The following HNF4G variants were observed in gnomAD, a reference collection of about 807,000 sequenced individuals.
The protein encoded by HNF4G is hepatocyte nuclear factor 4-gamma.
In HNF4G, 21 loss-of-function variants were observed where a neutral mutation model predicts 50.9. The observed-to-expected ratio is 0.41, with a 90% CI of 0.29 to 0.59. The LOEUF (loss-of-function observed/expected upper bound fraction) is 0.59. HNF4G is among the 20% of genes least tolerant of loss of function. The pLI, the probability that HNF4G is intolerant of heterozygous loss-of-function variation, is 0.26. For synonymous variants in HNF4G, 198 were observed against 185.6 expected (o/e 1.07, Z -0.54); for missense variants, 527 against 559.4 (o/e 0.94, Z 0.58).
At chr8:75,445,183 G>T (rs1811395078) in intron 1 of HNF4G, among the ~76,000 whole-genome samples, 1 of 114,372 alleles carries the variant, frequency 8.7e-6, no homozygotes, top group Admixed American at 9.4e-5. Flanking sequence ...ATGACTACTG[G>T]GTACATAACG....
intron 1 of HNF4G, among the ~76,000 whole-genome samples, chr8:75,443,059 G>T (rs1245917326): frequency 1.3e-5 from 2 of 152,124 alleles, no homozygotes; most frequent in Non-Finnish European, 2.9e-5. Context: ...AAGTCCTGAG[G>T]GCTCTGCCTT....
chr8:75,504,230 G>GAC (rs201513424), intron 2 of HNF4G, among the ~76,000 whole-genome samples: 22,097 of 107,974 alleles, frequency 0.2, 1,721 homozygotes, highest in Middle Eastern at 0.29. Flanking sequence ...AAAGCACACA[G>GAC]ACACACACAC....
chr8:75,475,856 G>T (rs1253356521), intron 1 of HNF4G, among the ~76,000 whole-genome samples: 1 of 151,968 alleles, frequency 6.6e-6, no homozygotes. Flanking sequence ...GTATATAACT[G>T]GCAATTTGTA....
At chr8:75,539,241 T>C (rs1236219940), upstream of HNF4G, among the ~76,000 whole-genome samples, 1 of 152,154 alleles carries the variant, frequency 6.6e-6, no homozygotes, top group East Asian at 1.9e-4. Context: ...ATGCCTCCCA[T>C]GTACTAGCAG....
chr8:75,448,660 G>A (rs1811493703), intron 1 of HNF4G, among the ~76,000 whole-genome samples: 1 of 151,718 alleles, frequency 6.6e-6, no homozygotes. Context: ...TATTCATTGG[G>A]AATGAAAAAT....
At position 75,409,480 on chromosome 8, in the gene HNF4G, C is replaced by CTTTTTTT. The variant is rs5892492; in HGVS notation, c.-144+1336_-144+1342dup. On this transcript the variant is annotated intron_variant, in intron 1 of 10. Transcript: ENST00000354370. ...AGTATTTGTTTTTGAGTGCCTTGTTCTTTTTTTTTTTTTTTTTTTTTTTTC... is the reference window on the plus strand; with the variant it reads ...AGTATTTGTTTTTGAGTGCCTTGTTCTTTTTTTTTTTTTTTTTTTTTTTTTTTTTTTC... Among the ~76,000 whole-genome samples, 321 of 67,194 alleles carry CTTTTTTT rather than the reference C, an allele frequency of 4.8e-3. 5 individuals carry two copies. Among genetic ancestry groups the CTTTTTTT allele is most frequent in the Middle Eastern group, 0.014 (1 of 70 alleles). The allele number at this position is 67,194 out of a possible 152,430, so 44.1% of individuals were successfully genotyped here.
chr8:75,416,922 A>T (rs1810650062), intron 1 of HNF4G, among the ~76,000 whole-genome samples: 1 of 152,230 alleles, frequency 6.6e-6, no homozygotes, highest in African/African-American at 2.4e-5. Context: ...TACCCAGTTT[A>T]CTGTACATTG....
At chr8:75,558,391 A>C (rs1807193134) in intron 6 of HNF4G, 127 bp from the exon 7 acceptor site, 3 of 755,076 alleles carry the variant, frequency 4.0e-6, no homozygotes, top group Non-Finnish European at 6.2e-6. Context: ...TGAGAGAGGA[A>C]GTACATCACT....
chr8:75,523,005 T>A (rs1394226942), intron 2 of HNF4G, among the ~76,000 whole-genome samples: 1 of 152,002 alleles, frequency 6.6e-6, no homozygotes, highest in Non-Finnish European at 1.5e-5. Context: ...GCAGGGTGGA[T>A]CACGAGGTCA....
chr8:75,480,723 T>C (rs35352071), intron 1 of HNF4G, among the ~76,000 whole-genome samples: 30,372 of 121,448 alleles, frequency 0.25, 3,611 homozygotes, highest in African/African-American at 0.43. Context: ...TTTTCTTTCT[T>C]TTTTTTTTTT....
intron 2 of HNF4G, among the ~76,000 whole-genome samples, chr8:75,511,792 G>A (rs182389275): frequency 2.6e-4 from 40 of 152,056 alleles, no homozygotes; most frequent in African/African-American, 8.9e-4. Context: ...GGGTTTCACC[G>A]TGGTCTCGAT....
chr8:75,554,952 T>C (rs1378676086), intron 5 of HNF4G, among the ~76,000 whole-genome samples: 1 of 152,144 alleles, frequency 6.6e-6, no homozygotes, highest in Non-Finnish European at 1.5e-5. Context: ...AGGAACAGCA[T>C]GTCCAAGGTT....
At chr8:75,503,246 C>A (rs796507537) in intron 2 of HNF4G, among the ~76,000 whole-genome samples, 6 of 152,210 alleles carry the variant, frequency 3.9e-5, no homozygotes, top group African/African-American at 1.4e-4. Flanking sequence ...AAGCCTTGGG[C>A]AATTACTAAA....
At chr8:75,544,899 C>T (rs747926587) in intron 2 of HNF4G, among the ~76,000 whole-genome samples, 7 of 152,024 alleles carry the variant, frequency 4.6e-5, no homozygotes, top group Non-Finnish European at 1.0e-4. Context: ...TTCTCAAAGT[C>T]TTGCCATGTG....
At chr8:75,477,557 A>G (rs1812267815) in intron 1 of HNF4G, among the ~76,000 whole-genome samples, 1 of 152,182 alleles carries the variant, frequency 6.6e-6, no homozygotes, top group African/African-American at 2.4e-5. Flanking sequence ...TATTTAAAAT[A>G]GGACCCCTAC....
intron 1 of HNF4G, among the ~76,000 whole-genome samples, chr8:75,427,371 A>G (rs957793846): frequency 2.0e-5 from 3 of 152,146 alleles, no homozygotes. Flanking sequence ...TGAGGTCAGG[A>G]GTTCAAGACC....
At chr8:75,519,014 C>T (rs1383207895) in intron 2 of HNF4G, among the ~76,000 whole-genome samples, 2 of 152,136 alleles carry the variant, frequency 1.3e-5, no homozygotes, top group African/African-American at 2.4e-5. Context: ...TTTTTGAATA[C>T]ATAAAACTGA....
At chr8:75,475,628 A>G (rs1346436844) in intron 1 of HNF4G, among the ~76,000 whole-genome samples, 2 of 152,196 alleles carry the variant, frequency 1.3e-5, no homozygotes, top group Non-Finnish European at 2.9e-5. Flanking sequence ...TATTTTATTG[A>G]GCTTTTTTAT....
At chr8:75,552,953 G>T in intron 4 of HNF4G, 89 bp from the exon 5 acceptor site, 4 of 816,988 alleles carry the variant, frequency 4.9e-6, no homozygotes, top group Non-Finnish European at 3.8e-6. Context: ...TACTTCTATG[G>T]CCTTTACTTA....
Sources: allele counts gnomAD v4.1 joint callset (sites outside exome capture counted in the v4.1 genomes callset), GRCh38; gene constraint gnomAD v4.1.1; transcripts MANE v1.5; gene names NCBI Gene and HGNC (gene_info 2026-07-23, HGNC 2026-07-21).